SCARB2: variants seen among roughly 807,000 people sequenced by gnomAD.
SCARB2 encodes lysosome membrane protein 2.
A neutral mutation model predicts 58.6 loss-of-function variants in SCARB2; 29 were observed. The ratio of observed to expected loss-of-function variants is 0.49; its 90% CI spans 0.37 to 0.67. The LOEUF is 0.67. Ranked by LOEUF, SCARB2 falls within the 30% of genes least tolerant of loss-of-function variation. The pLI, the probability that SCARB2 is intolerant of heterozygous loss-of-function variation, is 0.00. For synonymous variants in SCARB2, 195 were observed against 210.1 expected (o/e 0.93, Z 0.62); for missense variants, 488 against 578.5 (o/e 0.84, Z 1.60).
At chr4:76,162,848 A>G in intron 11 of SCARB2, 1 of 417,502 alleles carries the variant, frequency 2.4e-6, no homozygotes, top group South Asian at 2.7e-5. Context: ...CTAGGGTCGT[A>G]TAGCTGTTAA....
chr4:76,184,285 A>G (rs1284693068), intron 2 of SCARB2, among the ~76,000 whole-genome samples: 1 of 152,222 alleles, frequency 6.6e-6, no homozygotes, highest in Non-Finnish European at 1.5e-5. Flanking sequence ...AAACGCCTGT[A>G]GGATGAAACC....
chr4:76,200,925 T>C lies in SCARB2; in HGVS notation c.118-5061A>G, dbSNP rs17001637. On this transcript the variant is annotated intron_variant, in intron 1 of 11. Transcript: ENST00000264896. ...AACTGGTCTCCCTCTCTCCAGCCTT[T>C]TTCCTTTCAAATGCTTCATCCATCT... Among the ~76,000 whole-genome samples, 780 of 152,302 alleles carry C rather than the reference T, an allele frequency of 5.1e-3. 5 individuals carry two copies. Among genetic ancestry groups the C allele is most frequent in the African/African-American group, 0.017 (727 of 41,566 alleles).
At chr4:76,167,074 T>C (rs546074808) in intron 9 of SCARB2, among the ~76,000 whole-genome samples, 8 of 152,178 alleles carry the variant, frequency 5.3e-5, no homozygotes, top group Non-Finnish European at 1.0e-4. Context: ...TTTTCTCATA[T>C]CTAAAAAATT....
At chr4:76,184,251 A>C (rs75277763) in intron 2 of SCARB2, among the ~76,000 whole-genome samples, 3,550 of 152,300 alleles carry the variant, frequency 0.023, 108 homozygotes, top group African/African-American at 0.072. Flanking sequence ...TGTATGAGAC[A>C]ACCTCTCCTA....
chr4:76,225,630 A>T (rs1347040794), intron 1 of SCARB2, among the ~76,000 whole-genome samples: 2 of 152,228 alleles, frequency 1.3e-5, no homozygotes, highest in Non-Finnish European at 2.9e-5. Flanking sequence ...CTTTTTCTGC[A>T]TCTATTGAGA....
intron 2 of SCARB2, chr4:76,192,198 G>A (rs1303324910): frequency 6.6e-6 from 1 of 152,222 alleles, no homozygotes. Context: ...GGCAGAGAAG[G>A]GAAGAGTTTG....
At chr4:76,186,985 T>G (rs1732500262) in intron 2 of SCARB2, among the ~76,000 whole-genome samples, 1 of 152,096 alleles carries the variant, frequency 6.6e-6, no homozygotes, top group African/African-American at 2.4e-5. Flanking sequence ...GTTCCTAAAT[T>G]TTTTGTTGTC....
intron 1 of SCARB2, among the ~76,000 whole-genome samples, chr4:76,233,301 C>T (rs140114804): frequency 2.7e-4 from 41 of 152,262 alleles, no homozygotes; most frequent in African/African-American, 9.4e-4. Context: ...GCTGTGAAGC[C>T]AGCAAGTCAT....
At chr4:76,176,236 A>G (rs1732249174) in intron 5 of SCARB2, 1 of 609,048 alleles carries the variant, frequency 1.6e-6, no homozygotes, top group Non-Finnish European at 2.9e-6. Context: ...GGCCATGATA[A>G]ATCTACAAAT....
chr4:76,161,988 T>C (rs956302592), intron 11 of SCARB2: 28 of 577,782 alleles, frequency 4.8e-5, no homozygotes, highest in African/African-American at 3.9e-4. Context: ...AGTACCCTTC[T>C]CTGTGTTGAT....
intron 4 of SCARB2, 47 bp from the exon 5 acceptor site, chr4:76,176,575 A>C (rs1732255830): frequency 7.4e-7 from 1 of 1,351,280 alleles, no homozygotes; most frequent in South Asian, 1.2e-5. Context: ...TGATAATTTT[A>C]TGACAACTTG....
chr4:76,170,809 C>G (rs541233883), intron 7 of SCARB2, among the ~76,000 whole-genome samples: 34 of 152,158 alleles, frequency 2.2e-4, no homozygotes, highest in African/African-American at 7.9e-4. Flanking sequence ...CTTGAGCCAC[C>G]ACACCTGGCC....
chr4:76,220,199 C>G (rs939036815), intron 1 of SCARB2, among the ~76,000 whole-genome samples: 5 of 152,160 alleles, frequency 3.3e-5, no homozygotes, highest in Non-Finnish European at 7.4e-5. Context: ...CAAACAAATA[C>G]TTGTAAACCA....
intron 1 of SCARB2, among the ~76,000 whole-genome samples, chr4:76,196,882 C>T (rs1042309113): frequency 2.0e-5 from 3 of 152,150 alleles, no homozygotes; most frequent in African/African-American, 7.2e-5. Context: ...AGTCCTAACC[C>T]CCAATACCTC....
At chr4:76,213,358 A>G in intron 1 of SCARB2, 69 bp downstream of exon 1, 1 of 1,045,904 alleles carries the variant, frequency 9.6e-7, no homozygotes, top group South Asian at 1.3e-5. Flanking sequence ...CCCATACAAG[A>G]TGTAGCAGCA....
At position 76,213,734 on chromosome 4, in the gene SCARB2, C is replaced by A. The variant is rs537505325; in HGVS notation, c.-191G>T. On this transcript the variant is annotated 5_prime_UTR_variant, in exon 1 of 12. Transcript: ENST00000264896. ...CGAGCGCGGCCCCGGGTGCACCGGG[C>A]GGATGGGGCCGCGGAGGGACGGGCC... 21 of 485,368 alleles carry A rather than the reference C, an allele frequency of 4.3e-5. No homozygotes were observed. Among genetic ancestry groups the A allele is most frequent in the African/African-American group, 1.5e-4 (7 of 47,806 alleles). 30.1% of individuals were successfully genotyped at this position (485,368 alleles called of 1,614,324 possible).
At chr4:76,199,791 G>A (rs1732793013) in intron 1 of SCARB2, among the ~76,000 whole-genome samples, 2 of 152,180 alleles carry the variant, frequency 1.3e-5, no homozygotes, top group Non-Finnish European at 2.9e-5. Context: ...GGAGCCCACA[G>A]GTGAGGAACC....
intron 1 of SCARB2, among the ~76,000 whole-genome samples, chr4:76,202,355 G>A (rs561099040): frequency 1.3e-3 from 201 of 152,136 alleles, no homozygotes; most frequent in African/African-American, 4.3e-3. Flanking sequence ...TCCGCCTCCC[G>A]GGTTCAAGCG....
At chr4:76,181,292 GAT>G (rs1216655874) in intron 2 of SCARB2, among the ~76,000 whole-genome samples, 191 bp from the exon 3 acceptor site, 3 of 152,192 alleles carry the variant, frequency 2.0e-5, no homozygotes, top group Admixed American at 2.0e-4. Flanking sequence ...CGAGGCCTAG[GAT>G]AGAGTCTTCT....
Sources: gnomAD v4.1 joint callset for allele counts (sites outside exome capture counted in the v4.1 genomes callset) on GRCh38, gnomAD v4.1.1 for gene constraint, MANE v1.5 for transcripts, NCBI Gene and HGNC (gene_info 2026-07-23, HGNC 2026-07-21) for gene names.